HELB: variants seen among roughly 807,000 people sequenced by gnomAD.
The protein encoded by HELB is DNA 5'-3' helicase B.
A neutral mutation model predicts 101.7 loss-of-function variants in HELB; 96 were observed. That is an observed-to-expected ratio of 0.94 (90% CI 0.80 to 1.12). The LOEUF (loss-of-function observed/expected upper bound fraction) is 1.12. Among genes scored for constraint, HELB ranks in the 50% most tolerant of loss-of-function variants. The pLI, the probability that HELB is intolerant of heterozygous loss-of-function variation, is 0.00. For missense variants in HELB, 1,210 were observed against 1,291.9 expected, an observed-to-expected ratio of 0.94 and a Z score of 0.97; for synonymous variants, 437 against 459.7, an observed-to-expected ratio of 0.95 and a Z score of 0.63.
intron 6 of HELB, among the ~76,000 whole-genome samples, chr12:66,316,888 G>A (rs777162251): frequency 7.2e-5 from 11 of 151,788 alleles, no homozygotes; most frequent in Admixed American, 2.6e-4. Flanking sequence ...GCTTGGTGGC[G>A]GGCGCCTGTA....
chr12:66,312,973 G>A (rs1235432627), intron 4 of HELB, among the ~76,000 whole-genome samples: 1 of 152,174 alleles, frequency 6.6e-6, no homozygotes, highest in African/African-American at 2.4e-5. Flanking sequence ...TCAAGTTGCT[G>A]ATAGATGGAA....
At chr12:66,314,624 T>A (rs1187230831) in intron 5 of HELB, among the ~76,000 whole-genome samples, 1 of 152,132 alleles carries the variant, frequency 6.6e-6, no homozygotes, top group African/African-American at 2.4e-5. Context: ...GTAGACCATA[T>A]GATTTAATGG....
chr12:66,304,752 C>T lies in HELB; in HGVS notation c.209C>T (p.Thr70Ile), dbSNP rs765111862. Residue 70 changes from threonine (T) to isoleucine (I), a missense_variant, in exon 2 of 13, where the codon ACA (threonine) becomes ATA (isoleucine). Coordinates refer to ENST00000247815, the MANE Select transcript of HELB (RefSeq NM_001370285.1). The part of the protein sequence containing the change: ...CLRVSICDEN[T>I]QETCKVFGRF... ...TTAGTTTCTATTTGTGATGAAAACACACAAGAGACATGTAAAGTGTTTGGA... is the reference window on the plus strand; with the variant it reads ...TTAGTTTCTATTTGTGATGAAAACATACAAGAGACATGTAAAGTGTTTGGA... 1.0e-5 allele frequency: 16 copies of T among 1,605,688 alleles called. No homozygotes were observed. The highest frequency in any genetic ancestry group is 1.4e-5 in the Non-Finnish European group (16 of 1,176,444).
At chr12:66,308,939 A>C (rs753713601) in intron 3 of HELB, among the ~76,000 whole-genome samples, 25 of 152,198 alleles carry the variant, frequency 1.6e-4, no homozygotes, top group Non-Finnish European at 2.8e-4. Flanking sequence ...CCATTAAGAA[A>C]AAATGGAGCC....
At chr12:66,304,656 A>G in intron 1 of HELB, 75 bp from the exon 2 acceptor site, 1 of 1,380,190 alleles carries the variant, frequency 7.2e-7, no homozygotes. Context: ...GGTAAGTTTG[A>G]TGAAACTTTG....
Position 66,331,390 on chromosome 12 carries a change from G to A in HELB, c.2907G>A (p.Arg969=). The A allele has an allele frequency of 6.2e-7, 1 of 1,614,222 alleles. No individual in the cohort carries two copies. Among genetic ancestry groups the A allele is most frequent in the Non-Finnish European group, 8.5e-7 (1 of 1,180,046 alleles). The change falls in exon 12 of 13, where the codon CGG becomes CGA. Residue 969 remains arginine (R), a synonymous_variant. Coordinates refer to ENST00000247815, the MANE Select transcript of HELB (RefSeq NM_001370285.1). ...GAPPADFPSP[R]KSSGDSGGPS... ...CTCCAGCAGATTTTCCGTCCCCACG[G>A]AAGAGCTCTGGAGACAGTGGAGGAC...
chr12:66,327,267 T>C (rs1160225465), intron 11 of HELB, among the ~76,000 whole-genome samples: 1 of 151,704 alleles, frequency 6.6e-6, no homozygotes, highest in Non-Finnish European at 1.5e-5. Flanking sequence ...TTTCTGGCTC[T>C]GGGTCCTGAA....
rs2053527176 is a variant in HELB, at chr12:66,310,296, G to T, written c.1368G>T (p.Arg456=). 6.2e-7 allele frequency: 1 copy of T among 1,614,136 alleles called. No individual in the cohort carries two copies. Among genetic ancestry groups the T allele is most frequent in the Non-Finnish European group, 8.5e-7 (1 of 1,180,018 alleles). Reference sequence around the variant, plus strand: ...ATCAGGTTGAAGTTCCACTGGATCGGGATCAGGTGGCTGCTTTGGAAATGA... The same window carrying T: ...ATCAGGTTGAAGTTCCACTGGATCGTGATCAGGTGGCTGCTTTGGAAATGA... ...DQDQVEVPLD[R]DQVAALEMIC... Residue 456 remains arginine, a synonymous_variant, in exon 4 of 13, where the codon CGG becomes CGT. Coordinates refer to ENST00000247815, the MANE Select transcript of HELB (RefSeq NM_001370285.1).
At chr12:66,335,813 G>A (rs2053860387) in intron 12 of HELB, among the ~76,000 whole-genome samples, 1 of 152,144 alleles carries the variant, frequency 6.6e-6, no homozygotes, top group Admixed American at 6.5e-5. Context: ...AGTACGTTGG[G>A]TATATATAGC....
chr12:66,314,993 G>GT (rs201708926), intron 5 of HELB, among the ~76,000 whole-genome samples: 110 of 147,376 alleles, frequency 7.5e-4, no homozygotes, highest in Admixed American at 1.4e-3. Flanking sequence ...TCTAAGGCCT[G>GT]TTTTTTTTTT....
At chr12:66,323,168 T>C (rs2053693115) in intron 9 of HELB, among the ~76,000 whole-genome samples, 1 of 152,122 alleles carries the variant, frequency 6.6e-6, no homozygotes, top group African/African-American at 2.4e-5. Flanking sequence ...CAGAGAAATA[T>C]GAGTGTAGAC....
chr12:66,326,325 T>A (rs2053736840), intron 11 of HELB, among the ~76,000 whole-genome samples: 1 of 151,978 alleles, frequency 6.6e-6, no homozygotes, highest in South Asian at 2.1e-4. Flanking sequence ...TCACTGTAAG[T>A]TCCGCCTCCC....
In HELB at chr12:66,331,148, T is replaced by C. The variant is rs1021890310; in HGVS notation, c.2671-6T>C. 1.9e-6 allele frequency: 3 copies of C among 1,591,152 alleles called. No homozygotes were observed. The African/African-American group carries it at 4.1e-5, about 21-fold the overall frequency. The stretch of plus-strand genomic sequence containing the variant: ...TTTAGTCTTCACACCATATTTTTCC[T>C]GCCAGGGGTCCGAGGAGCAAACAGT... On this transcript the variant is annotated splice_region_variant and splice_polypyrimidine_tract_variant and intron_variant, in intron 11 of 12. Transcript: ENST00000247815.
intron 9 of HELB, 59 bp downstream of exon 9, chr12:66,322,842 T>G (rs1447200998): frequency 5.1e-6 from 6 of 1,183,308 alleles, no homozygotes; most frequent in Non-Finnish European, 7.3e-6. Context: ...TTGCTGGTTT[T>G]TTTTTTTGCT....
At chr12:66,304,575 A>G (rs2053449740) in intron 1 of HELB, among the ~76,000 whole-genome samples, 156 bp from the exon 2 acceptor site, 1 of 152,204 alleles carries the variant, frequency 6.6e-6, no homozygotes, top group Non-Finnish European at 1.5e-5. Context: ...AAAAAGAGGT[A>G]GGCAGAATGC....
At position 66,331,208 on chromosome 12, in the gene HELB, T is replaced by G. The variant is rs758386388; in HGVS notation, c.2725T>G (p.Trp909Gly). ...YVVGKAGRQH[W>G]QHVYTAVTRG... Reference sequence around the variant, plus strand: ...GGTGGGGAAGGCGGGCCGCCAGCACTGGCAGCATGTCTACACCGCCGTGAC... The same window carrying G: ...GGTGGGGAAGGCGGGCCGCCAGCACGGGCAGCATGTCTACACCGCCGTGAC... Residue 909 changes from tryptophan (W) to glycine (G), a missense_variant, in exon 12 of 13, where the codon TGG (tryptophan) becomes GGG (glycine). Transcript: ENST00000247815. 6.2e-7 allele frequency: 1 copy of G among 1,613,180 alleles called. No individual in the cohort carries two copies. Among genetic ancestry groups the G allele is most frequent in the South Asian group, 1.1e-5 (1 of 91,072 alleles).
intron 7 of HELB, among the ~76,000 whole-genome samples, chr12:66,320,472 G>C (rs1195374802): frequency 6.6e-6 from 1 of 152,148 alleles, no homozygotes; most frequent in Non-Finnish European, 1.5e-5. Flanking sequence ...TTAGTTAATA[G>C]TAGGTCCTAT....
rs1275626484 is a variant in HELB at position 66,324,185 on chromosome 12, A to G, written c.2500A>G (p.Asn834Asp). 2 of 1,611,740 alleles carry G rather than the reference A, an allele frequency of 1.2e-6. No homozygotes were observed. Among genetic ancestry groups the G allele is most frequent in the East Asian group, 4.5e-5 (2 of 44,814 alleles). ...CTTTGAAAGTAACGTTCGACTGTGC[A>G]ATGGAGAGATATTTTTCATAACAAA... ...RDFESNVRLCNGEIFFITNDV... is the reference protein window; with the variant it reads ...RDFESNVRLCDGEIFFITNDV... Residue 834 changes from asparagine to aspartate, a missense_variant, in exon 10 of 13, where the codon AAT becomes GAT. By Grantham distance (23) the Asn-to-Asp change is conservative. Around this residue, in one of 2 missense-constraint regions of HELB, gnomAD observed 740 missense variants for 728.8 expected, o/e 1.02. Transcript: ENST00000247815.
downstream of HELB, chr12:66,338,369 C>T (rs1017948953): frequency 2.0e-5 from 5 of 244,590 alleles, no homozygotes; most frequent in Admixed American, 5.7e-5. Flanking sequence ...AAGCCAGGCA[C>T]GGTGGCTCAT....
Sources: gnomAD v4.1 joint callset for allele counts (sites outside exome capture counted in the v4.1 genomes callset) on GRCh38, gnomAD v4.1.1 for gene constraint, gnomAD v4.1.1 regional missense constraint, MANE v1.5 for transcripts, NCBI Gene and HGNC (gene_info 2026-07-23, HGNC 2026-07-21) for gene names.